The following STAG1 variants were observed in gnomAD, a reference collection of about 807,000 sequenced individuals.
The protein encoded by STAG1 is STAG1 cohesin complex component.
Under a neutral mutation model 170.9 loss-of-function variants are expected in STAG1, and 26 were observed. That is an observed-to-expected ratio of 0.15 (90% CI 0.11 to 0.21). STAG1 has a LOEUF of 0.21. STAG1 is among the 10% of genes least tolerant of loss of function. The pLI, the probability that STAG1 is intolerant of heterozygous loss-of-function variation, is 1.00. For synonymous variants in STAG1, 514 were observed against 497.7 expected (o/e 1.03, Z -0.44); for missense variants, 964 against 1,509.5 (o/e 0.64, Z 5.99).
intron 7 of STAG1, among the ~76,000 whole-genome samples, chr3:136,513,365 A>G (rs1411166299): frequency 6.6e-6 from 1 of 152,180 alleles, no homozygotes; most frequent in East Asian, 1.9e-4. Context: ...TCAAAAAAAA[A>G]AGGAAGACTT....
chr3:136,526,988 G>A (rs1935065090), intron 6 of STAG1, among the ~76,000 whole-genome samples: 1 of 152,274 alleles, frequency 6.6e-6, no homozygotes, highest in South Asian at 2.1e-4. Context: ...GCTTCCCTTT[G>A]TGGGTAACCC....
chr3:136,733,298 C>A (rs1346633522), intron 1 of STAG1, among the ~76,000 whole-genome samples: 2 of 151,876 alleles, frequency 1.3e-5, no homozygotes, highest in Non-Finnish European at 2.9e-5. Context: ...GTTGCCCAGG[C>A]TGGTCTCAAA....
chr3:136,687,158 G>A (rs943277488), intron 1 of STAG1, among the ~76,000 whole-genome samples: 2 of 152,144 alleles, frequency 1.3e-5, no homozygotes, highest in Non-Finnish European at 2.9e-5. Context: ...AATTGACTGA[G>A]ACATTATGTT....
chr3:136,587,180 AC>A (rs1462068845), intron 4 of STAG1, among the ~76,000 whole-genome samples: 16 of 152,040 alleles, frequency 1.1e-4, no homozygotes, highest in Non-Finnish European at 1.6e-4. Flanking sequence ...AAAAAAAAAA[AC>A]AACTTCACTC....
intron 1 of STAG1, among the ~76,000 whole-genome samples, chr3:136,719,715 CA>C (rs1253693205): frequency 6.7e-6 from 1 of 148,276 alleles, no homozygotes; most frequent in Non-Finnish European, 1.5e-5. Flanking sequence ...GGATCGATCT[CA>C]AAAAAGTAAC....
chr3:136,657,984 G>C (rs1219939250), intron 1 of STAG1, among the ~76,000 whole-genome samples: 1 of 152,132 alleles, frequency 6.6e-6, no homozygotes, highest in Non-Finnish European at 1.5e-5. Context: ...AGTACTACCA[G>C]AACTGGCAGA....
At chr3:136,748,906 A>C (rs1363543338) in intron 1 of STAG1, among the ~76,000 whole-genome samples, 1 of 152,176 alleles carries the variant, frequency 6.6e-6, no homozygotes, top group Non-Finnish European at 1.5e-5. Flanking sequence ...GGAAACGGGA[A>C]AGGAAAAAAG....
intron 1 of STAG1, among the ~76,000 whole-genome samples, chr3:136,688,932 T>G (rs1013933158): frequency 5.3e-5 from 8 of 152,202 alleles, no homozygotes; most frequent in African/African-American, 1.9e-4. Context: ...CCAACTGGGT[T>G]TTTACAGTTG....
intron 7 of STAG1, among the ~76,000 whole-genome samples, chr3:136,508,229 T>A (rs1052311315): frequency 5.3e-5 from 8 of 152,340 alleles, no homozygotes; most frequent in African/African-American, 1.9e-4. Flanking sequence ...TTTGTAGATA[T>A]TCCTTGAAGG....
chr3:136,522,225 T>A (rs1379532477), intron 6 of STAG1, among the ~76,000 whole-genome samples: 1 of 152,210 alleles, frequency 6.6e-6, no homozygotes, highest in Non-Finnish European at 1.5e-5. Flanking sequence ...CAAATTTCTT[T>A]ATAAATGAGG....
intron 7 of STAG1, among the ~76,000 whole-genome samples, chr3:136,505,414 A>G (rs1292958382): frequency 6.6e-6 from 1 of 152,220 alleles, no homozygotes; most frequent in Non-Finnish European, 1.5e-5. Flanking sequence ...TATGAGCAAA[A>G]AATTGAAAAC....
rs146840947 is a variant in STAG1 at position 136,610,955 on chromosome 3, A to G, written c.133-6482T>C. Among the ~76,000 whole-genome samples the G allele has an allele frequency of 1.7e-4, 26 of 152,186 alleles. No homozygotes were observed. In the East Asian group the frequency reaches 4.8e-3, roughly 28 times the overall value. On this transcript the variant is annotated intron_variant, in intron 3 of 33. Coordinates refer to ENST00000383202, the MANE Select transcript of STAG1 (RefSeq NM_005862.3). ...ATCATCATAGTTTCCTTTTTTCCACATATTAATATATGGGTTGAGTACCCC... is the reference window on the plus strand; with the variant it reads ...ATCATCATAGTTTCCTTTTTTCCACGTATTAATATATGGGTTGAGTACCCC...
intron 4 of STAG1, among the ~76,000 whole-genome samples, chr3:136,575,738 T>C (rs898711059): frequency 2.0e-5 from 3 of 150,072 alleles, no homozygotes; most frequent in Non-Finnish European, 4.5e-5. Context: ...AGGTCAACCA[T>C]GAATATCAGT....
chr3:136,729,698 G>C (rs887761390), intron 1 of STAG1, among the ~76,000 whole-genome samples: 2 of 149,394 alleles, frequency 1.3e-5, no homozygotes, highest in African/African-American at 4.9e-5. Context: ...TCAGCCTCTC[G>C]AGTAGCTGGG....
intron 26 of STAG1, 24 bp downstream of exon 26, chr3:136,363,342 T>TCTC: frequency 8.2e-7 from 1 of 1,214,456 alleles, no homozygotes; most frequent in Non-Finnish European, 1.2e-6. Flanking sequence ...CCATTCTTTG[T>TCTC]CTCCCTCTCT....
intron 10 of STAG1, among the ~76,000 whole-genome samples, chr3:136,474,325 A>G (rs2089693028): frequency 6.6e-6 from 1 of 152,204 alleles, no homozygotes; most frequent in African/African-American, 2.4e-5. Context: ...CAGGAGACCA[A>G]GTTCTGGAAT....
rs1473114483 is a variant in STAG1, at chr3:136,417,674, GT to G, written c.2196+210del. 6 of 450,802 alleles carry G rather than the reference GT, an allele frequency of 1.3e-5. No individual in the cohort carries two copies. The East Asian group carries it at 1.8e-4, about 14-fold the overall frequency. 27.9% of individuals were successfully genotyped at this position (450,802 alleles called of 1,614,324 possible). ...CTTAACAGTAAAATTTTTAAGATAT[GT>G]TATAGCAAAAGTTTTTTCTACTCTT... On this transcript the variant is annotated intron_variant, in intron 21 of 33. Coordinates refer to ENST00000383202, the MANE Select transcript of STAG1 (RefSeq NM_005862.3).
At chr3:136,468,739 A>T (rs1048010417) in intron 12 of STAG1, among the ~76,000 whole-genome samples, 1 of 152,238 alleles carries the variant, frequency 6.6e-6, no homozygotes, top group Admixed American at 6.5e-5. Flanking sequence ...TATCCTCAAT[A>T]AAATACTGGC....
chr3:136,664,269 T>C (rs1023259704), intron 1 of STAG1, among the ~76,000 whole-genome samples: 8 of 152,212 alleles, frequency 5.3e-5, no homozygotes, highest in African/African-American at 1.4e-4. Flanking sequence ...TTAATATACA[T>C]GTGTGTACTA....
Sources: gnomAD v4.1 joint callset for allele counts (sites outside exome capture counted in the v4.1 genomes callset) on GRCh38, gnomAD v4.1.1 for gene constraint, MANE v1.5 for transcripts, NCBI Gene and HGNC (gene_info 2026-07-23, HGNC 2026-07-21) for gene names.